CHMP3: variants seen among roughly 807,000 people sequenced by gnomAD.
CHMP3 encodes the protein charged multivesicular body protein 3.
Under a neutral mutation model 27.4 loss-of-function variants are expected in CHMP3, and 8 were observed. The observed-to-expected ratio is 0.29, with a 90% CI of 0.17 to 0.53. CHMP3 has a LOEUF of 0.53. Ranked by LOEUF, CHMP3 falls within the 20% of genes least tolerant of loss-of-function variation. The pLI is 0.96. For synonymous variants in CHMP3, 86 were observed against 85.5 expected (o/e 1.01, Z -0.03); for missense variants, 208 against 271.5 (o/e 0.77, Z 1.64).
At position 86,505,799 on chromosome 2, in the gene CHMP3, AG is replaced by A; in HGVS notation, c.*4del. 1.3e-6 allele frequency: 2 copies of A among 1,574,588 alleles called. No homozygotes were observed. On this transcript the variant is annotated 3_prime_UTR_variant, in exon 6 of 6. Coordinates refer to ENST00000263856, the MANE Select transcript of CHMP3 (RefSeq NM_016079.4). ...TGTGTGCACACCCAGCGGGGTAGGC[AG>A]CCCCTAGCTGCGGAGTGTGGCCAGC...
intron 1 of CHMP3, among the ~76,000 whole-genome samples, chr2:86,552,405 C>A (rs1235354375): frequency 6.6e-6 from 1 of 152,110 alleles, no homozygotes; most frequent in Admixed American, 6.6e-5. Flanking sequence ...CTTTATAGAA[C>A]ACTGCCAGCT....
At chr2:86,530,042 T>G (rs1264644156) in intron 2 of CHMP3, among the ~76,000 whole-genome samples, 1 of 152,136 alleles carries the variant, frequency 6.6e-6, no homozygotes, top group Non-Finnish European at 1.5e-5. Flanking sequence ...TTGCCCACGC[T>G]GGAGTGCAAT....
At chr2:86,506,433 T>C (rs899980821) in intron 5 of CHMP3, among the ~76,000 whole-genome samples, 1 of 152,134 alleles carries the variant, frequency 6.6e-6, no homozygotes, top group Non-Finnish European at 1.5e-5. Context: ...ATTTTTATCA[T>C]CTCCCTTCCA....
chr2:86,549,116 GCGGCCGGGAAGAGGCGCCCC>G, intron 1 of CHMP3, among the ~76,000 whole-genome samples: 1 of 150,230 alleles, frequency 6.7e-6, no homozygotes, highest in East Asian at 2.0e-4. Flanking sequence ...CCCAGACGGG[GCGGCCGGGAAGAGGCGCCCC>G]TCACGTCCCA....
chr2:86,527,517 CAAT>C (rs1675761849), intron 3 of CHMP3, among the ~76,000 whole-genome samples: 1 of 152,082 alleles, frequency 6.6e-6, no homozygotes, highest in Non-Finnish European at 1.5e-5. Context: ...CTATAAAAGA[CAAT>C]AATACTTGAG....
intron 1 of CHMP3, among the ~76,000 whole-genome samples, chr2:86,554,755 T>C (rs1170793227): frequency 6.6e-6 from 1 of 151,936 alleles, no homozygotes; most frequent in Non-Finnish European, 1.5e-5. Flanking sequence ...GTTCATTGGA[T>C]TGTTGTATTA....
chr2:86,522,103 C>T (rs1298520707), intron 3 of CHMP3, among the ~76,000 whole-genome samples: 1 of 152,274 alleles, frequency 6.6e-6, no homozygotes, highest in East Asian at 1.9e-4. Context: ...AGCACCTAAT[C>T]ATGACAATGT....
intron 2 of CHMP3, among the ~76,000 whole-genome samples, chr2:86,537,014 C>G (rs1218766887): frequency 6.6e-6 from 1 of 152,050 alleles, no homozygotes; most frequent in Non-Finnish European, 1.5e-5. Context: ...GCATGTACCA[C>G]CACACCTGGC....
At chr2:86,554,081 G>T (rs985832233) in intron 1 of CHMP3, among the ~76,000 whole-genome samples, 3 of 152,138 alleles carry the variant, frequency 2.0e-5, no homozygotes, top group African/African-American at 7.2e-5. Flanking sequence ...ATAGGCCCAA[G>T]GTAGCTCTTT....
intron 1 of CHMP3, among the ~76,000 whole-genome samples, chr2:86,548,331 T>C (rs1379992740): frequency 3.9e-5 from 6 of 152,202 alleles, no homozygotes; most frequent in Admixed American, 2.6e-4. Context: ...CAGAGGTTCC[T>C]GCGGCCTTCC....
chr2:86,558,215 C>T (rs1175571257), intron 1 of CHMP3, among the ~76,000 whole-genome samples: 2 of 152,174 alleles, frequency 1.3e-5, no homozygotes, highest in African/African-American at 4.8e-5. Context: ...TGATTCCCAC[C>T]CCAAGACTGT....
chr2:86,517,946 C>A (rs540586750), intron 3 of CHMP3, among the ~76,000 whole-genome samples: 1 of 151,954 alleles, frequency 6.6e-6, no homozygotes, highest in Non-Finnish European at 1.5e-5. Flanking sequence ...ACCTAAGCCA[C>A]GGAGGTTGAG....
Position 86,505,774 on chromosome 2 carries a change from T to G in CHMP3, c.*30A>C, listed in dbSNP as rs576083648. 1 of 1,513,640 alleles carries G rather than the reference T, an allele frequency of 6.6e-7. No individual in the cohort carries two copies. The highest frequency in any genetic ancestry group is 8.9e-7 in the Non-Finnish European group (1 of 1,125,970). 93.8% of individuals were successfully genotyped at this position (1,513,640 alleles called of 1,614,324 possible). Reference sequence around the variant, plus strand: ...ATAAAATGGCAGCTCTTGAGAGGAGTGTGTGCACACCCAGCGGGGTAGGCA... The same window carrying G: ...ATAAAATGGCAGCTCTTGAGAGGAGGGTGTGCACACCCAGCGGGGTAGGCA... On this transcript the variant is annotated 3_prime_UTR_variant, in exon 6 of 6. Transcript: ENST00000263856.
chr2:86,560,311 C>G (rs755649708), intron 1 of CHMP3, among the ~76,000 whole-genome samples: 5 of 151,948 alleles, frequency 3.3e-5, no homozygotes, highest in Non-Finnish European at 7.4e-5. Context: ...AGACTTGGAA[C>G]CAACCCAAAT....
At chr2:86,547,484 C>T (rs1392598473) in intron 1 of CHMP3, among the ~76,000 whole-genome samples, 1 of 152,142 alleles carries the variant, frequency 6.6e-6, no homozygotes, top group Non-Finnish European at 1.5e-5. Context: ...CAAAAGTATC[C>T]AGTCATGTCT....
intron 1 of CHMP3, among the ~76,000 whole-genome samples, chr2:86,546,104 C>T (rs2103999433): frequency 6.6e-6 from 1 of 152,264 alleles, no homozygotes; most frequent in Non-Finnish European, 1.5e-5. Flanking sequence ...ACTCCGTCTG[C>T]AATCCCAGCA....
intron 3 of CHMP3, among the ~76,000 whole-genome samples, chr2:86,514,904 A>G (rs1675237613): frequency 6.6e-6 from 1 of 152,186 alleles, no homozygotes; most frequent in Non-Finnish European, 1.5e-5. Flanking sequence ...ACATCCCCCA[A>G]AAAAGGTTAA....
chr2:86,530,275 G>A (rs541896669), intron 2 of CHMP3, among the ~76,000 whole-genome samples: 1 of 152,234 alleles, frequency 6.6e-6, no homozygotes, highest in Non-Finnish European at 1.5e-5. Context: ...TTACAGGCAT[G>A]AGCCACCGCA....
chr2:86,508,005 C>A (rs1267122892), intron 4 of CHMP3, among the ~76,000 whole-genome samples: 2 of 152,018 alleles, frequency 1.3e-5, no homozygotes, highest in African/African-American at 4.8e-5. Flanking sequence ...GTGGTTGGAG[C>A]CGTAGTAGAT....
Sources: allele counts gnomAD v4.1 joint callset (sites outside exome capture counted in the v4.1 genomes callset), GRCh38; gene constraint gnomAD v4.1.1; transcripts MANE v1.5; gene names NCBI Gene and HGNC (gene_info 2026-07-23, HGNC 2026-07-21).